The following AGBL4 variants were observed in gnomAD, a reference collection of about 807,000 sequenced individuals.
AGBL4 encodes cytosolic carboxypeptidase 6.
In AGBL4, 58 loss-of-function variants were observed where a neutral mutation model predicts 66.4. The ratio of observed to expected loss-of-function variants is 0.87; its 90% confidence interval spans 0.71 to 1.09. The LOEUF is 1.09. AGBL4 is among the 50% of genes least tolerant of loss of function. The pLI, the probability that AGBL4 is intolerant of heterozygous loss-of-function variation, is 0.00. For missense variants in AGBL4, 579 were observed against 631.0 expected, an observed-to-expected ratio of 0.92 and a Z score of 0.88; for synonymous variants, 234 against 222.9, an observed-to-expected ratio of 1.05 and a Z score of -0.44.
chr1:49,374,988 G>A (rs1459075299), intron 3 of AGBL4, among the ~76,000 whole-genome samples: 2 of 151,938 alleles, frequency 1.3e-5, no homozygotes, highest in East Asian at 3.9e-4. Context: ...CTTTACCTTT[G>A]ACCAACCTCT....
At chr1:49,521,087 G>A (rs188597296) in intron 3 of AGBL4, among the ~76,000 whole-genome samples, 4 of 152,090 alleles carry the variant, frequency 2.6e-5, no homozygotes, top group Admixed American at 2.0e-4. Context: ...GGGATTACAG[G>A]CATGAGCCAC....
intron 3 of AGBL4, among the ~76,000 whole-genome samples, chr1:49,303,539 G>A (rs1409439969): frequency 6.6e-6 from 1 of 151,886 alleles, no homozygotes; most frequent in African/African-American, 2.4e-5. Context: ...TGCAAACTCT[G>A]CCTCCCAGGT....
intron 3 of AGBL4, among the ~76,000 whole-genome samples, chr1:49,409,149 G>GCTCTCT (rs373757168): frequency 0.081 from 11,868 of 145,948 alleles, 655 homozygotes; most frequent in African/African-American, 0.16. Context: ...ACTCTCTCTG[G>GCTCTCT]CTCTCTCTCT....
intron 5 of AGBL4, among the ~76,000 whole-genome samples, chr1:49,010,960 A>T (rs1332519321): frequency 6.6e-6 from 1 of 152,254 alleles, no homozygotes; most frequent in African/African-American, 2.4e-5. Context: ...CATTCAGGAC[A>T]TAGGCATGGG....
chr1:49,740,100 C>G (rs1650300720), intron 2 of AGBL4, among the ~76,000 whole-genome samples: 1 of 152,158 alleles, frequency 6.6e-6, no homozygotes. Flanking sequence ...AAGACACAGA[C>G]TGGCAAATTG....
At chr1:49,330,131 T>C (rs554146821) in intron 3 of AGBL4, among the ~76,000 whole-genome samples, 1 of 152,184 alleles carries the variant, frequency 6.6e-6, no homozygotes, top group Non-Finnish European at 1.5e-5. Context: ...TTAAAATTCT[T>C]TTGGCCAGAC....
At chr1:48,647,660 A>T in intron 8 of AGBL4, 1 of 433,428 alleles carries the variant, frequency 2.3e-6, no homozygotes, top group Non-Finnish European at 4.6e-6. Context: ...ACGGAGATGG[A>T]AAGTCTGTTT....
intron 6 of AGBL4, among the ~76,000 whole-genome samples, chr1:48,727,342 G>A (rs1401216813): frequency 1.3e-5 from 2 of 152,182 alleles, no homozygotes; most frequent in African/African-American, 4.8e-5. Context: ...CAGAGAAAGA[G>A]ATCTGCTTTT....
In AGBL4 at chr1:49,933,613, T is replaced by TA. The variant is rs540281072; in HGVS notation, c.35-82096dup. Among the ~76,000 whole-genome samples the TA allele has an allele frequency of 4.3e-3, 655 of 152,142 alleles. 6 individuals carry two copies. The highest frequency in any genetic ancestry group is 0.015 in the African/African-American group (636 of 41,542). On this transcript the variant is annotated intron_variant, in intron 1 of 13. Transcript: ENST00000371839. ...CAAAAACTTGTTAATGGATTCACAA[T>TA]AAAAAAGACGCAAATTATGACAATA... is the stretch of plus-strand genomic sequence containing the variant.
intron 3 of AGBL4, among the ~76,000 whole-genome samples, chr1:49,495,097 C>T (rs1647420358): frequency 6.6e-6 from 1 of 152,028 alleles, no homozygotes; most frequent in Admixed American, 6.6e-5. Flanking sequence ...ATTACATCTG[C>T]AAATGGGAGG....
At chr1:49,523,408 C>T (rs1452827461) in intron 3 of AGBL4, among the ~76,000 whole-genome samples, 2 of 152,090 alleles carry the variant, frequency 1.3e-5, no homozygotes, top group African/African-American at 4.8e-5. Context: ...AGCGCAGAGT[C>T]ATAAGGATTA....
At chr1:48,722,205 A>G (rs1045332814) in intron 6 of AGBL4, among the ~76,000 whole-genome samples, 2 of 152,172 alleles carry the variant, frequency 1.3e-5, no homozygotes, top group Admixed American at 6.5e-5. Flanking sequence ...CTTGTAAAGA[A>G]GATCTCGACC....
intron 6 of AGBL4, among the ~76,000 whole-genome samples, chr1:48,832,139 C>T (rs1025982934): frequency 1.3e-5 from 2 of 152,164 alleles, no homozygotes; most frequent in African/African-American, 4.8e-5. Flanking sequence ...TCAGGAGTGT[C>T]TGGCATAATG....
chr1:49,747,667 T>G lies in AGBL4; in HGVS notation c.158-50230A>C, dbSNP rs150794890. Among the ~76,000 whole-genome samples, 209 of 152,288 alleles carry G rather than the reference T, an allele frequency of 1.4e-3. 1 individual carries two copies. Among genetic ancestry groups the G allele is most frequent in the African/African-American group, 4.8e-3 (199 of 41,572 alleles). On this transcript the variant is annotated intron_variant, in intron 2 of 13. Coordinates refer to ENST00000371839, the MANE Select transcript of AGBL4 (RefSeq NM_032785.4). ...TCTCTTTGTCCTTAGATTATTTTGC[T>G]CTAATTTTATTACTTAATTTTTTTA... is the stretch of plus-strand genomic sequence containing the variant.
chr1:48,789,649 T>C (rs1645498364), intron 6 of AGBL4, among the ~76,000 whole-genome samples: 1 of 152,094 alleles, frequency 6.6e-6, no homozygotes, highest in South Asian at 2.1e-4. Context: ...AAAATCCAAA[T>C]CATGTTCCCT....
intron 1 of AGBL4, among the ~76,000 whole-genome samples, chr1:49,912,151 AG>A (rs1277080783): frequency 6.6e-6 from 1 of 152,208 alleles, no homozygotes; most frequent in Non-Finnish European, 1.5e-5. Flanking sequence ...AGATCCCAAG[AG>A]GGCCCAGTCC....
chr1:49,363,410 G>A (rs1644181276), intron 3 of AGBL4, among the ~76,000 whole-genome samples: 1 of 152,168 alleles, frequency 6.6e-6, no homozygotes, highest in Non-Finnish European at 1.5e-5. Context: ...GAGACAGTGT[G>A]TCATTTCCAT....
chr1:49,827,514 T>C (rs1409873687), intron 2 of AGBL4, among the ~76,000 whole-genome samples: 1 of 152,140 alleles, frequency 6.6e-6, no homozygotes. Context: ...CACAATCGGA[T>C]AGTTTAAAAT....
intron 6 of AGBL4, among the ~76,000 whole-genome samples, chr1:48,714,659 C>T (rs72902900): frequency 0.052 from 7,904 of 152,256 alleles, 259 homozygotes; most frequent in South Asian, 0.097. Context: ...TCTGACCATG[C>T]CGCTTCCTGG....
Sources: allele counts gnomAD v4.1 joint callset (sites outside exome capture counted in the v4.1 genomes callset), GRCh38; gene constraint gnomAD v4.1.1; transcripts MANE v1.5; gene names NCBI Gene and HGNC (gene_info 2026-07-23, HGNC 2026-07-21).